GRID1: variants seen among roughly 807,000 people sequenced by gnomAD.
GRID1 encodes glutamate ionotropic receptor delta type subunit 1.
Under a neutral mutation model 98.0 loss-of-function variants are expected in GRID1, and 28 were observed. The ratio of observed to expected loss-of-function variants is 0.29; its 90% CI spans 0.21 to 0.39. The LOEUF (loss-of-function observed/expected upper bound fraction) is 0.39, where lower values mean the gene tolerates loss of function less well. GRID1 is among the 10% of genes least tolerant of loss of function. GRID1 has a pLI of 1.00. For missense variants in GRID1, 1,111 were observed against 1,340.5 expected, an observed-to-expected ratio of 0.83 and a Z score of 2.67; for synonymous variants, 553 against 538.5, an observed-to-expected ratio of 1.03 and a Z score of -0.37.
intron 8 of GRID1, among the ~76,000 whole-genome samples, chr10:85,824,454 T>C (rs1842800897): frequency 6.6e-6 from 1 of 152,214 alleles, no homozygotes; most frequent in African/African-American, 2.4e-5. Context: ...TTAAGTGATC[T>C]GCCCGCCTTG....
chr10:86,272,132 TGAAA>T (rs1405939740), intron 2 of GRID1, among the ~76,000 whole-genome samples: 2 of 152,090 alleles, frequency 1.3e-5, no homozygotes, highest in Non-Finnish European at 2.9e-5. Flanking sequence ...TCTTTAGTAT[TGAAA>T]GAGAGAAAAA....
intron 8 of GRID1, among the ~76,000 whole-genome samples, chr10:85,836,992 C>T (rs1395807362): frequency 1.3e-5 from 2 of 152,200 alleles, no homozygotes; most frequent in African/African-American, 4.8e-5. Flanking sequence ...CCTGAGCCCA[C>T]AGCAACTCCA....
chr10:85,689,732 T>C (rs1055177116), intron 12 of GRID1, among the ~76,000 whole-genome samples: 15 of 152,104 alleles, frequency 9.9e-5, no homozygotes, highest in Admixed American at 9.8e-4. Flanking sequence ...GGAATATTAT[T>C]TTTAAAAGGA....
chr10:85,940,880 G>A (rs528197577), intron 4 of GRID1, among the ~76,000 whole-genome samples: 7 of 152,346 alleles, frequency 4.6e-5, no homozygotes, highest in South Asian at 2.1e-4. Context: ...AGAAGAGACC[G>A]AGGCAGGGGC....
intron 2 of GRID1, among the ~76,000 whole-genome samples, chr10:86,323,051 C>T (rs1027808405): frequency 6.6e-6 from 1 of 152,016 alleles, no homozygotes; most frequent in African/African-American, 2.4e-5. Context: ...GAGCTGAGAT[C>T]GCACCACTGC....
chr10:85,962,014 A>G (rs1842274393), intron 4 of GRID1, among the ~76,000 whole-genome samples: 1 of 152,246 alleles, frequency 6.6e-6, no homozygotes, highest in Non-Finnish European at 1.5e-5. Flanking sequence ...GAGCAGAAGG[A>G]AGGAAGGAAA....
At chr10:86,029,234 A>G (rs746320177) in intron 4 of GRID1, among the ~76,000 whole-genome samples, 16 of 152,254 alleles carry the variant, frequency 1.1e-4, no homozygotes, top group Non-Finnish European at 1.9e-4. Context: ...TGGTCTCACC[A>G]TTCTTATAAC....
At chr10:85,738,475 G>A (rs1841908608) in intron 8 of GRID1, among the ~76,000 whole-genome samples, 1 of 152,198 alleles carries the variant, frequency 6.6e-6, no homozygotes. Context: ...ATGATGTTAA[G>A]CCCAGCAATT....
intron 14 of GRID1, among the ~76,000 whole-genome samples, chr10:85,618,967 A>G (rs1842824619): frequency 6.6e-6 from 1 of 152,222 alleles, no homozygotes; most frequent in South Asian, 2.1e-4. Flanking sequence ...TAATCAGTCA[A>G]TGAGTGTTGC....
At chr10:85,918,638 T>C (rs555043206) in intron 4 of GRID1, among the ~76,000 whole-genome samples, 11 of 152,180 alleles carry the variant, frequency 7.2e-5, no homozygotes, top group Non-Finnish European at 1.3e-4. Flanking sequence ...GCAAGAGAGA[T>C]TGGAATTGCT....
intron 4 of GRID1, among the ~76,000 whole-genome samples, chr10:86,048,014 G>A (rs566450035): frequency 1.3e-5 from 2 of 152,212 alleles, no homozygotes; most frequent in African/African-American, 2.4e-5. Context: ...CATTCCCTTT[G>A]TCAGCTTCTG....
intron 8 of GRID1, among the ~76,000 whole-genome samples, chr10:85,851,118 G>C (rs780205612): frequency 1.3e-5 from 2 of 152,068 alleles, no homozygotes; most frequent in Non-Finnish European, 2.9e-5. Context: ...TGAACAAAGA[G>C]AAACAAAGCC....
intron 8 of GRID1, among the ~76,000 whole-genome samples, chr10:85,836,852 C>T (rs905134915): frequency 2.1e-5 from 3 of 142,404 alleles, no homozygotes; most frequent in Admixed American, 6.9e-5. Flanking sequence ...AAGGCAGCGT[C>T]AGGTGCCCTG....
intron 2 of GRID1, among the ~76,000 whole-genome samples, chr10:86,306,541 G>C (rs1847761118): frequency 6.6e-6 from 1 of 152,192 alleles, no homozygotes; most frequent in African/African-American, 2.4e-5. Context: ...AGAAACCAAA[G>C]GGACTTCAAG....
chr10:85,929,483 T>G (rs913678513), intron 4 of GRID1, among the ~76,000 whole-genome samples: 1 of 152,214 alleles, frequency 6.6e-6, no homozygotes, highest in Non-Finnish European at 1.5e-5. Flanking sequence ...TATTTCTTAT[T>G]AACTCCATTC....
At chr10:85,722,120 T>C (rs1438979371) in intron 12 of GRID1, among the ~76,000 whole-genome samples, 1 of 152,196 alleles carries the variant, frequency 6.6e-6, no homozygotes, top group Non-Finnish European at 1.5e-5. Context: ...GTTTAAACTC[T>C]TTTCAATAGC....
intron 8 of GRID1, among the ~76,000 whole-genome samples, chr10:85,826,104 A>G (rs1280976268): frequency 6.6e-6 from 1 of 152,118 alleles, no homozygotes; most frequent in Non-Finnish European, 1.5e-5. Context: ...AGGCGGGTGG[A>G]TCACCTGAGG....
At chr10:85,646,815 G>A (rs1297415083) in intron 13 of GRID1, 2 of 243,696 alleles carry the variant, frequency 8.2e-6, no homozygotes, top group Non-Finnish European at 1.7e-5. Flanking sequence ...TAACCACAGT[G>A]GGCCCACCCT....
chr10:85,820,027 A>C (rs11201807), intron 8 of GRID1, among the ~76,000 whole-genome samples: 4,954 of 64,216 alleles, frequency 0.077, 149 homozygotes, highest in Middle Eastern at 0.096. Context: ...GGAAGGAAGG[A>C]AGGCAGGCAG....
Sources: gnomAD v4.1 joint callset for allele counts (sites outside exome capture counted in the v4.1 genomes callset) on GRCh38, gnomAD v4.1.1 for gene constraint, MANE v1.5 for transcripts, NCBI Gene and HGNC (gene_info 2026-07-23, HGNC 2026-07-21) for gene names.